COL23A1: variants seen among roughly 807,000 people sequenced by gnomAD.
COL23A1 encodes the protein collagen type XXIII alpha 1 chain, also known as collagen alpha-1(XXIII) chain.
A neutral mutation model predicts 99.3 loss-of-function variants in COL23A1; 97 were observed. The ratio of observed to expected loss-of-function variants is 0.98; its 90% CI spans 0.83 to 1.16. COL23A1 has a LOEUF of 1.16. COL23A1 is among the 50% of genes most tolerant of loss of function. The pLI is 0.00. For synonymous variants in COL23A1, 320 were observed against 308.2 expected (o/e 1.04, Z -0.40); for missense variants, 762 against 757.4 (o/e 1.01, Z -0.07).
chr5:178,523,098 C>T (rs932776373), intron 2 of COL23A1, among the ~76,000 whole-genome samples: 2 of 148,146 alleles, frequency 1.4e-5, no homozygotes, highest in African/African-American at 2.5e-5. Context: ...GTCAGGAGTT[C>T]AAGACCAGCC....
intron 2 of COL23A1, among the ~76,000 whole-genome samples, chr5:178,335,621 A>T (rs898749864): frequency 6.1e-4 from 93 of 152,350 alleles, no homozygotes; most frequent in African/African-American, 1.8e-3. Flanking sequence ...TTCCAGCCAT[A>T]TAGAGACTGC....
chr5:178,265,291 C>T (rs538151833), intron 8 of COL23A1, among the ~76,000 whole-genome samples: 6 of 152,292 alleles, frequency 3.9e-5, no homozygotes, highest in South Asian at 2.1e-4. Context: ...ACAGCTCCAG[C>T]GGAAAGGAAA....
chr5:178,423,821 A>G (rs992956615), intron 2 of COL23A1, among the ~76,000 whole-genome samples: 4 of 152,126 alleles, frequency 2.6e-5, no homozygotes, highest in South Asian at 2.1e-4. Context: ...CGGCCTGCCC[A>G]TGACGCTGTG....
At chr5:178,558,976 G>A (rs1257834023) in intron 2 of COL23A1, among the ~76,000 whole-genome samples, 1 of 152,056 alleles carries the variant, frequency 6.6e-6, no homozygotes, top group Non-Finnish European at 1.5e-5. Context: ...TTTTTGTAGA[G>A]ACAGGGTTTC....
intron 2 of COL23A1, among the ~76,000 whole-genome samples, chr5:178,339,214 T>C (rs1317467000): frequency 1.3e-5 from 2 of 152,180 alleles, no homozygotes; most frequent in African/African-American, 4.8e-5. Context: ...CTTGGGGCCA[T>C]ACAGAACAAA....
In COL23A1 at chr5:178,589,815, G is replaced by A. The variant is rs555006688; in HGVS notation, c.294+89C>T. Reference sequence around the variant, plus strand: ...GCCGGCGGGCGACCCTCCTCCCAGAGACCTGCACGCTGCCCCCGGCTCCCA... The same window carrying A: ...GCCGGCGGGCGACCCTCCTCCCAGAAACCTGCACGCTGCCCCCGGCTCCCA... On this transcript the variant is annotated intron_variant, in intron 1 of 28. Transcript: ENST00000390654. The surrounding 1 kb of genome is among the most constrained non-coding windows in gnomAD (Gnocchi z 5.4). 1,135 of 1,174,494 alleles carry A rather than the reference G, an allele frequency of 9.7e-4. 3 individuals are homozygous for A. Among genetic ancestry groups the A allele is most frequent in the Non-Finnish European group, 1.1e-3 (1,017 of 935,308 alleles). The allele number at this position is 1,174,494 out of a possible 1,614,324, so 72.8% of individuals were successfully genotyped here. A position where few individuals can be genotyped will look rare whatever the true frequency, so the allele number is the denominator to read the frequency against.
intron 2 of COL23A1, among the ~76,000 whole-genome samples, chr5:178,359,563 T>A (rs565303749): frequency 2.0e-5 from 3 of 152,214 alleles, no homozygotes; most frequent in South Asian, 4.1e-4. Flanking sequence ...TCATGGCCCC[T>A]GTCAGAGTGC....
Position 178,309,996 on chromosome 5 carries a change from C to T in COL23A1, c.362-3077G>A, listed in dbSNP as rs1758585500. ...CAGGCAGGGAGGCCTCAGGTCTCCT[C>T]ACTGCTTCTGGGATTCTCCTGAAAA... On this transcript the variant is annotated intron_variant, in intron 2 of 28. Transcript: ENST00000390654. The surrounding 1 kb of genome is among the most constrained non-coding windows in gnomAD (Gnocchi z 4.7). Among the ~76,000 whole-genome samples the T allele has an allele frequency of 6.6e-6, 1 of 152,204 alleles. No individual in the cohort carries two copies. The highest frequency in any genetic ancestry group is 2.1e-4 in the South Asian group (1 of 4,830).
chr5:178,456,363 C>T (rs543322600), intron 2 of COL23A1, among the ~76,000 whole-genome samples: 111 of 152,152 alleles, frequency 7.3e-4, no homozygotes, highest in African/African-American at 2.6e-3. Flanking sequence ...AACATGTAAC[C>T]GATATCAGAT....
chr5:178,247,362 T>C (rs1764758345), intron 22 of COL23A1, among the ~76,000 whole-genome samples, 164 bp downstream of exon 22: 1 of 151,992 alleles, frequency 6.6e-6, no homozygotes, highest in South Asian at 2.1e-4. Flanking sequence ...CTCAACGACA[T>C]CGGGGAGGTT....
At position 178,313,525 on chromosome 5, in the gene COL23A1, T is replaced by C. The variant is rs1758816730; in HGVS notation, c.362-6606A>G. ...CCCGGCACTGTGGAGTCACAGAGGA[T>C]GGCATCCCCAAGGTCACACAGTGGA... On this transcript the variant is annotated intron_variant, in intron 2 of 28. Coordinates refer to ENST00000390654, the MANE Select transcript of COL23A1 (RefSeq NM_173465.4). The surrounding 1 kb of genome is among the most constrained non-coding windows in gnomAD (Gnocchi z 4.2). Among the ~76,000 whole-genome samples, 1 of 152,178 alleles carries C rather than the reference T, an allele frequency of 6.6e-6. No homozygotes were observed. The highest frequency in any genetic ancestry group is 1.5e-5 in the Non-Finnish European group (1 of 68,022).
At chr5:178,256,289 C>A in intron 15 of COL23A1, 64 bp downstream of exon 15, 1 of 1,250,764 alleles carries the variant, frequency 8.0e-7, no homozygotes, top group Non-Finnish European at 1.1e-6. Flanking sequence ...GGGACAGGGG[C>A]TTCTGAAGCT....
At position 178,288,683 on chromosome 5, in the gene COL23A1, C is replaced by T. The variant is rs1202303021; in HGVS notation, c.415-333G>A. ...GAGGGTGCAGCCACAACCACACGAC[C>T]AACCAGGAACTGAAAATGCTCCTTA... On this transcript the variant is annotated intron_variant, in intron 4 of 28. Transcript: ENST00000390654. The T allele has an allele frequency of 1.7e-5, 7 of 406,596 alleles. No homozygotes were observed. In the East Asian group the frequency reaches 2.8e-4, roughly 16 times the overall value. The allele number at this position is 406,596 out of a possible 1,614,324, so 25.2% of individuals were successfully genotyped here. A position where few individuals can be genotyped will look rare whatever the true frequency, so the allele number is the denominator to read the frequency against.
At chr5:178,321,970 ACGCC>A (rs1276375638) in intron 2 of COL23A1, among the ~76,000 whole-genome samples, 7 of 149,832 alleles carry the variant, frequency 4.7e-5, no homozygotes, top group African/African-American at 7.4e-5. Flanking sequence ...GTGCACCACC[ACGCC>A]TGACTATTTT....
At chr5:178,422,466 G>C (rs1765686023) in intron 2 of COL23A1, among the ~76,000 whole-genome samples, 1 of 152,190 alleles carries the variant, frequency 6.6e-6, no homozygotes, top group South Asian at 2.1e-4. Context: ...CTGAGGGCCA[G>C]AGGGCCAGCA....
chr5:178,523,199 TATAGAGAGAGAG>T (rs1391867675), intron 2 of COL23A1, among the ~76,000 whole-genome samples: 1,392 of 75,972 alleles, frequency 0.018, 16 homozygotes, highest in African/African-American at 0.039. Flanking sequence ...TATATATATA[TATAGAGAGAGAG>T]AGAGAGAGAG....
intron 5 of COL23A1, among the ~76,000 whole-genome samples, chr5:178,275,607 G>A (rs1225084825): frequency 6.6e-6 from 1 of 152,142 alleles, no homozygotes; most frequent in Non-Finnish European, 1.5e-5. Context: ...CCCCTTCTCG[G>A]AACTGTTTTC....
chr5:178,480,021 G>A (rs1227833778), intron 2 of COL23A1, among the ~76,000 whole-genome samples: 1 of 152,052 alleles, frequency 6.6e-6, no homozygotes, highest in Non-Finnish European at 1.5e-5. Context: ...CGGTAGGTAT[G>A]TGTGTATCGA....
At chr5:178,405,066 C>T (rs1434776341) in intron 2 of COL23A1, among the ~76,000 whole-genome samples, 1 of 152,252 alleles carries the variant, frequency 6.6e-6, no homozygotes, top group Non-Finnish European at 1.5e-5. Context: ...GCCAGGTGAC[C>T]CCCTAAGCAT....
Sources: gnomAD v4.1 joint callset for allele counts (sites outside exome capture counted in the v4.1 genomes callset) on GRCh38, gnomAD v4.1.1 for gene constraint, Gnocchi (gnomAD v3.1) non-coding constraint, MANE v1.5 for transcripts, NCBI Gene and HGNC (gene_info 2026-07-23, HGNC 2026-07-21) for gene names.